XAGE5: variants seen among roughly 807,000 people sequenced by gnomAD.
XAGE5 encodes the protein X antigen family member 5, also known as G antigen, family D, 5.
Under a neutral mutation model 13.1 loss-of-function variants are expected in XAGE5, and 13 were observed. That is an observed-to-expected ratio of 0.99 (90% CI 0.64 to 1.57). The LOEUF (loss-of-function observed/expected upper bound fraction) is 1.57. Among genes scored for constraint, XAGE5 ranks in the 40% most tolerant of loss-of-function variants. The pLI, the probability that XAGE5 is intolerant of heterozygous loss-of-function variation, is 0.00. For missense variants in XAGE5, 86 were observed against 77.6 expected (o/e 1.11, Z -0.41); for synonymous variants, 17 against 25.0 (o/e 0.68, Z 0.96).
intron 1 of XAGE5, among the ~76,000 whole-genome samples, 42 bp downstream of exon 1, chrX:52,811,454 C>T (rs1480270965): frequency 1.8e-5 from 2 of 111,307 alleles, no homozygotes; most frequent in Admixed American, 9.5e-5. Context: ...TCCGGAGGGT[C>T]GGGGCGCGTG....
chrX:52,813,135 C>A lies in XAGE5; in HGVS notation c.73-5C>A, dbSNP rs782672612. 2 of 1,207,404 alleles carry A rather than the reference C, an allele frequency of 1.7e-6. No individual in the cohort carries two copies. Among genetic ancestry groups the A allele is most frequent in the Non-Finnish European group, 2.2e-6 (2 of 893,636 alleles). On this transcript the variant is annotated splice_polypyrimidine_tract_variant and splice_region_variant and intron_variant, in intron 3 of 5. Transcript: ENST00000375501. Reference sequence around the variant, plus strand: ...CACACACCACCACCCCCGCCCTTGTCCCAGGAGCCCAGTGTGCCAGAGCCT... The same window carrying A: ...CACACACCACCACCCCCGCCCTTGTACCAGGAGCCCAGTGTGCCAGAGCCT...
chrX:52,814,989 C>A (rs1316717481), intron 4 of XAGE5, 103 bp from the exon 5 acceptor site: 4 of 951,058 alleles, frequency 4.2e-6, no homozygotes, highest in Non-Finnish European at 5.9e-6. Flanking sequence ...ACCACAGTAG[C>A]CTCTAGGCTT....
At chrX:52,813,893 C>T (rs781860572) in intron 4 of XAGE5, among the ~76,000 whole-genome samples, 1 of 111,411 alleles carries the variant, frequency 9.0e-6, no homozygotes, top group African/African-American at 3.3e-5. Context: ...ATCTCAGCTA[C>T]TAAGTAGGCT....
At chrX:52,813,343 T>C (rs1556777639) in intron 4 of XAGE5, 98 bp downstream of exon 4, 4 of 822,749 alleles carry the variant, frequency 4.9e-6, no homozygotes, top group East Asian at 3.2e-5. Context: ...AAGAAAGCAA[T>C]AGGAAAGGAT....
intron 5 of XAGE5, 74 bp from the exon 6 acceptor site, chrX:52,818,116 TC>T: frequency 8.6e-7 from 1 of 1,162,493 alleles, no homozygotes; most frequent in Non-Finnish European, 1.2e-6. Context: ...ACCTTTGGTG[TC>T]CTTTGCATAC....
chrX:52,812,516 C>T, intron 2 of XAGE5, 43 bp from the exon 3 acceptor site: 1 of 1,143,013 alleles, frequency 8.7e-7, no homozygotes. Context: ...TCAGGTGATC[C>T]ATCCCCCTCA....
At chrX:52,815,305 C>T (rs1352842961) in intron 5 of XAGE5, 88 bp downstream of exon 5, 1 of 1,022,220 alleles carries the variant, frequency 9.8e-7, no homozygotes, top group South Asian at 2.5e-5. Flanking sequence ...AATATTACTG[C>T]CCCTTTAGAA....
At chrX:52,813,725 G>A (rs782808524) in intron 4 of XAGE5, among the ~76,000 whole-genome samples, 4 of 111,322 alleles carry the variant, frequency 3.6e-5, no homozygotes, top group Non-Finnish European at 7.5e-5. Flanking sequence ...AACTGAGGCC[G>A]GGCGTGGTGC....
intron 5 of XAGE5, among the ~76,000 whole-genome samples, chrX:52,816,036 C>T (rs1444377843): frequency 8.0e-5 from 9 of 111,903 alleles, no homozygotes; most frequent in Admixed American, 6.7e-4. Flanking sequence ...CTCCGCCTCC[C>T]GGGTTCAAGC....
At chrX:52,814,384 T>C (rs782361537) in intron 4 of XAGE5, 24 of 182,512 alleles carry the variant, frequency 1.3e-4, no homozygotes, top group Non-Finnish European at 2.5e-4. Context: ...CTTTTAAAAG[T>C]TGTTTCAATA....
At chrX:52,816,872 A>G (rs191681618) in intron 5 of XAGE5, among the ~76,000 whole-genome samples, 1 of 112,273 alleles carries the variant, frequency 8.9e-6, no homozygotes, top group African/African-American at 3.2e-5. Flanking sequence ...TACATGATAC[A>G]AGAAAATAAT....
chrX:52,815,319 G>A, intron 5 of XAGE5, 102 bp downstream of exon 5: 1 of 958,899 alleles, frequency 1.0e-6, no homozygotes. Flanking sequence ...TTTAGAAATA[G>A]AGTTCAAATG....
intron 4 of XAGE5, chrX:52,814,843 C>T (rs1157130979): frequency 9.4e-6 from 3 of 319,355 alleles, no homozygotes; most frequent in African/African-American, 2.7e-5. Context: ...TCCGTGAGGC[C>T]GTCTTCAGTT....
intron 1 of XAGE5, among the ~76,000 whole-genome samples, 29 bp downstream of exon 1, chrX:52,811,441 G>C (rs1421005627): frequency 5.4e-5 from 6 of 111,717 alleles, no homozygotes; most frequent in African/African-American, 2.0e-4. Flanking sequence ...GAGCCAGCGG[G>C]CTTCCGGAGG....
rs1556777254 is a variant in XAGE5 at position 52,811,291 on chromosome X, T to C, written c.-302T>C. 9.0e-6 allele frequency among the ~76,000 whole-genome samples: 1 copy of C among 111,541 alleles called. No individual in the cohort carries two copies. The highest frequency in any genetic ancestry group is 1.9e-5 in the Non-Finnish European group (1 of 53,037). ...CGCATGTTCATTGGGCACCTTGCCA[T>C]TGGCCCTTCGCCCACCCGGGAGCTG... On this transcript the variant is annotated 5_prime_UTR_variant, in exon 1 of 6. Transcript: ENST00000375501.
At chrX:52,816,271 T>C (rs782387252) in intron 5 of XAGE5, among the ~76,000 whole-genome samples, 1 of 112,337 alleles carries the variant, frequency 8.9e-6, no homozygotes, top group South Asian at 3.7e-4. Flanking sequence ...TGCAGGAACC[T>C]ACTGGACATT....
chrX:52,817,881 G>C (rs1556778240), intron 5 of XAGE5, among the ~76,000 whole-genome samples: 1 of 111,227 alleles, frequency 9.0e-6, no homozygotes, highest in African/African-American at 3.3e-5. Flanking sequence ...CACAATGTTT[G>C]CCATCTACTT....
chrX:52,813,521 G>A (rs782819012), intron 4 of XAGE5, among the ~76,000 whole-genome samples: 9 of 111,567 alleles, frequency 8.1e-5, no homozygotes, highest in Non-Finnish European at 1.7e-4. Flanking sequence ...TTAATTGGTT[G>A]TATAAAATGT....
chrX:52,813,142 G>A lies in XAGE5; in HGVS notation c.75G>A (p.Glu25=). 8.3e-7 allele frequency: 1 copy of A among 1,210,085 alleles called. No individual in the cohort carries two copies. The change falls in exon 4 of 6, where the codon GAG becomes GAA. Residue 25 remains glutamate, a splice_region_variant and synonymous_variant. Transcript: ENST00000375501. ...RLAQLVGPML[E]PSVPEPQQEE... Reference sequence around the variant, plus strand: ...CACCACCCCCGCCCTTGTCCCAGGAGCCCAGTGTGCCAGAGCCTCAACAAG... The same window carrying A: ...CACCACCCCCGCCCTTGTCCCAGGAACCCAGTGTGCCAGAGCCTCAACAAG...
Sources: allele counts gnomAD v4.1 joint callset (sites outside exome capture counted in the v4.1 genomes callset), GRCh38; gene constraint gnomAD v4.1.1; transcripts MANE v1.5; gene names NCBI Gene and HGNC (gene_info 2026-07-23, HGNC 2026-07-21).